FAM219B: variants seen among roughly 807,000 people sequenced by gnomAD.
FAM219B encodes protein FAM219B.
A neutral mutation model predicts 19.9 loss-of-function variants in FAM219B; 18 were observed. The observed-to-expected ratio is 0.91, with a 90% CI of 0.63 to 1.34. The LOEUF is 1.34. Among genes scored for constraint, FAM219B ranks in the 40% most tolerant of loss-of-function variants. The probability of loss-of-function intolerance (pLI) is 0.00; values close to 1 mark genes in which losing one functional copy is unlikely to be tolerated. For missense variants in FAM219B, 283 were observed against 270.5 expected (o/e 1.05, Z -0.32); for synonymous variants, 123 against 117.5 (o/e 1.05, Z -0.30).
In FAM219B at chr15:74,905,528, A is replaced by AT. The variant is rs1398656482; in HGVS notation, c.303-298dup. ...AATCTCCGCCTACCATGCTCAAGTG[A>AT]TTTTCCTGCCTCAGCCTCTTGAGTA... On this transcript the variant is annotated intron_variant, in intron 2 of 4. Coordinates refer to ENST00000357635, the MANE Select transcript of FAM219B (RefSeq NM_020447.5). 2.4e-5 allele frequency: 7 copies of AT among 296,784 alleles called. No homozygotes were observed. In the Admixed American group the frequency reaches 2.9e-4, roughly 12 times the overall value. The allele number at this position is 296,784 out of a possible 1,614,324, so 18.4% of individuals were successfully genotyped here. A position where few individuals can be genotyped will look rare whatever the true frequency, so the allele number is the denominator to read the frequency against.
At position 74,902,783 on chromosome 15, in the gene FAM219B, C is replaced by A. The variant is rs536837834; in HGVS notation, c.433G>T (p.Val145Leu). The change falls in exon 5 of 5, where the codon GTG (valine) becomes TTG (leucine). Residue 145 changes from valine (V) to leucine (L), a missense_variant. Physicochemically the swap from Val to Leu is conservative, Grantham distance 32. Transcript: ENST00000357635. ...YSSGYSSAEQ[V>L]NQDVSRQLLQ... The stretch of plus-strand genomic sequence containing the variant: ...AGCTGCCGGCTCACATCCTGGTTCA[C>A]CTGCTAAGAGAAGGAGAGGAGGGAA... 5.6e-6 allele frequency: 9 copies of A among 1,607,384 alleles called. No homozygotes were observed. The African/African-American group carries it at 1.2e-4, about 21-fold the overall frequency.
At chr15:74,904,950 T>C in intron 3 of FAM219B, 6 of 1,532,934 alleles carry the variant, frequency 3.9e-6, no homozygotes, top group Non-Finnish European at 5.3e-6. Flanking sequence ...CCCCGGACAT[T>C]GGTGCTCCGA....
chr15:74,906,760 G>C lies in FAM219B; in HGVS notation c.41C>G (p.Ser14Cys). The C allele has an allele frequency of 7.6e-7, 1 of 1,309,998 alleles. No individual in the cohort carries two copies. The highest frequency in any genetic ancestry group is 9.7e-7 in the Non-Finnish European group (1 of 1,027,960). The allele number at this position is 1,309,998 out of a possible 1,614,324, so 81.1% of individuals were successfully genotyped here. A position where few individuals can be genotyped will look rare whatever the true frequency, so the allele number is the denominator to read the frequency against. The change falls in exon 1 of 5, where the codon TCT becomes TGT. Residue 14 changes from serine to cysteine, a missense_variant. Transcript: ENST00000357635. ...AEPSGRALRLSTPGPRPSGAR... is the reference protein window; with the variant it reads ...AEPSGRALRLCTPGPRPSGAR... ...CCCGCTGGGCCGGGGTCCCGGGGTA[G>C]ACAACCGCAACGCGCGCCCGCTGGG...
In FAM219B at chr15:74,901,364, T is replaced by C. The variant is rs1178970762; in HGVS notation, c.*1255A>G. 6.6e-6 allele frequency: 1 copy of C among 152,092 alleles called. No homozygotes were observed. The highest frequency in any genetic ancestry group is 1.5e-5 in the Non-Finnish European group (1 of 68,020). 9.4% of individuals were successfully genotyped at this position (152,092 alleles called of 1,614,324 possible). A position where few individuals can be genotyped will look rare whatever the true frequency, so the allele number is the denominator to read the frequency against. On this transcript the variant is annotated 3_prime_UTR_variant, in exon 5 of 5. Transcript: ENST00000357635. The stretch of plus-strand genomic sequence containing the variant: ...CTAGAAAGAGGCTTGGTATAGAGTA[T>C]AGCAAGATATACTCTCCAATTTGTG...
In FAM219B at chr15:74,906,832, C is replaced by G; in HGVS notation, c.-32G>C. The G allele has an allele frequency of 8.0e-7, 1 of 1,245,524 alleles. No individual in the cohort carries two copies. The highest frequency in any genetic ancestry group is 1.0e-6 in the Non-Finnish European group (1 of 995,964). The allele number at this position is 1,245,524 out of a possible 1,614,324, so 77.2% of individuals were successfully genotyped here. ...GCCCCGCCCTGCCGGATGGTGCAAC[C>G]CCGCCCGTGGCGAAAGAGTGACCGG... On this transcript the variant is annotated 5_prime_UTR_variant, in exon 1 of 5. Transcript: ENST00000357635.
intron 4 of FAM219B, among the ~76,000 whole-genome samples, chr15:74,904,319 G>A (rs2065096903): frequency 6.6e-6 from 1 of 151,712 alleles, no homozygotes; most frequent in Admixed American, 6.6e-5. Context: ...TTAGAGACAG[G>A]GTCTTGCTAT....
intron 2 of FAM219B, chr15:74,906,005 C>A: frequency 2.5e-6 from 1 of 400,632 alleles, no homozygotes; most frequent in Non-Finnish European, 4.5e-6. Context: ...GGACTCCAGC[C>A]ACCATTCTCC....
rs937496415 is a variant in FAM219B, at chr15:74,901,919, G to A, written c.*700C>T. ...TGTCAGAGCAGTTTTTCTCTAACTA[G>A]GGAAGGGCAAACCAGAATCACTAAA... On this transcript the variant is annotated 3_prime_UTR_variant, in exon 5 of 5. Transcript: ENST00000357635. The A allele has an allele frequency of 2.0e-5, 8 of 394,910 alleles. No homozygotes were observed. Among genetic ancestry groups the A allele is most frequent in the African/African-American group, 1.4e-4 (7 of 48,582 alleles). The allele number at this position is 394,910 out of a possible 1,614,324, so 24.5% of individuals were successfully genotyped here.
In FAM219B at chr15:74,906,780, G is replaced by C. The variant is rs1158038712; in HGVS notation, c.21C>G (p.Ser7Arg). MATAEP[S>R]GRALRLSTPG... The stretch of plus-strand genomic sequence containing the variant: ...GGGTAGACAACCGCAACGCGCGCCC[G>C]CTGGGCTCCGCGGTCGCCATGGCCG... The change falls in exon 1 of 5, where the codon AGC (serine) becomes AGG (arginine). Residue 7 changes from serine (S) to arginine (R), a missense_variant. By Grantham distance (110) the Ser-to-Arg change is moderately radical (BLOSUM62 -1). Transcript: ENST00000357635. 3 of 1,287,926 alleles carry C rather than the reference G, an allele frequency of 2.3e-6. No homozygotes were observed. The highest frequency in any genetic ancestry group is 4.2e-5 in the Admixed American group (1 of 24,044). 79.8% of individuals were successfully genotyped at this position (1,287,926 alleles called of 1,614,324 possible). A position where few individuals can be genotyped will look rare whatever the true frequency, so the allele number is the denominator to read the frequency against.
At chr15:74,904,329 T>C (rs1324218135) in intron 4 of FAM219B, among the ~76,000 whole-genome samples, 1 of 152,208 alleles carries the variant, frequency 6.6e-6, no homozygotes, top group African/African-American at 2.4e-5. Context: ...GGTCTTGCTA[T>C]ATTGTCCAGG....
chr15:74,905,052 T>C (rs749836486), intron 3 of FAM219B, 102 bp downstream of exon 3: 25 of 1,587,466 alleles, frequency 1.6e-5, no homozygotes, highest in Admixed American at 1.5e-4. Context: ...GGAATGTACA[T>C]GAAGGGCCTT....
Position 74,901,917 on chromosome 15 carries a change from T to C in FAM219B, c.*702A>G. 5.1e-6 allele frequency: 2 copies of C among 394,748 alleles called. No individual in the cohort carries two copies. Among genetic ancestry groups the C allele is most frequent in the East Asian group, 7.2e-5 (2 of 27,880 alleles). 24.5% of individuals were successfully genotyped at this position (394,748 alleles called of 1,614,324 possible). On this transcript the variant is annotated 3_prime_UTR_variant, in exon 5 of 5. Coordinates refer to ENST00000357635, the MANE Select transcript of FAM219B (RefSeq NM_020447.5). ...CATGTCAGAGCAGTTTTTCTCTAAC[T>C]AGGGAAGGGCAAACCAGAATCACTA...
At chr15:74,898,612 A>G (rs1317937771), downstream of FAM219B, 1 of 150,272 alleles carries the variant, frequency 6.7e-6, no homozygotes, top group African/African-American at 2.5e-5. Context: ...ATCTCGGCTC[A>G]TTGCAAGCTC....
downstream of FAM219B, chr15:74,898,105 G>C (rs997498304): frequency 2.2e-5 from 8 of 367,678 alleles, no homozygotes; most frequent in East Asian, 6.9e-5. Context: ...CTAAGAACAG[G>C]GTTCTAGCGA....
intron 2 of FAM219B, 92 bp downstream of exon 2, chr15:74,906,186 C>T: frequency 7.4e-7 from 1 of 1,351,310 alleles, no homozygotes; most frequent in Non-Finnish European, 1.0e-6. Flanking sequence ...GAATCGCTAG[C>T]TCGGCCTTAA....
chr15:74,906,310 G>C lies in FAM219B; in HGVS notation c.270C>G (p.Ala90=). ...AVLRRKGMLG[A]SPNRPDSSGK... is the part of the protein sequence containing the mutation. The stretch of plus-strand genomic sequence containing the variant: ...CTGAAGAGTCTGGGCGGTTCGGCGA[G>C]GCCCCCAGCATGCCTTTTCTCCGCA... The change falls in exon 2 of 5, where the codon GCC becomes GCG. Residue 90 remains alanine (A), a synonymous_variant. Transcript: ENST00000357635. The C allele has an allele frequency of 6.2e-7, 1 of 1,613,656 alleles. No homozygotes were observed. The highest frequency in any genetic ancestry group is 1.7e-4 in the Middle Eastern group (1 of 6,058).
In FAM219B at chr15:74,902,806, G is replaced by T; in HGVS notation, c.430-20C>A. 6.3e-7 allele frequency: 1 copy of T among 1,593,170 alleles called. No individual in the cohort carries two copies. The highest frequency in any genetic ancestry group is 8.5e-7 in the Non-Finnish European group (1 of 1,169,848). The stretch of plus-strand genomic sequence containing the variant: ...CACCTGCTAAGAGAAGGAGAGGAGG[G>T]AACTATAGGCCAAGATGCAAAGCAG... On this transcript the variant is annotated intron_variant, in intron 4 of 4. Transcript: ENST00000357635.
intron 3 of FAM219B, 129 bp from the exon 4 acceptor site, chr15:74,904,841 G>A (rs1029391204): frequency 1.4e-6 from 2 of 1,448,186 alleles, no homozygotes; most frequent in Non-Finnish European, 1.9e-6. Context: ...CAGAACTCAA[G>A]TCCGAACAGG....
intron 1 of FAM219B, 99 bp downstream of exon 1, chr15:74,906,488 C>T (rs914407040): frequency 1.3e-6 from 2 of 1,491,456 alleles, no homozygotes; most frequent in African/African-American, 2.8e-5. Flanking sequence ...CTAACCCCTT[C>T]CCTCCGGGGC....
Sources: gnomAD v4.1 joint callset for allele counts (sites outside exome capture counted in the v4.1 genomes callset) on GRCh38, gnomAD v4.1.1 for gene constraint, MANE v1.5 for transcripts, NCBI Gene and HGNC (gene_info 2026-07-23, HGNC 2026-07-21) for gene names.